CELF4: variants seen among roughly 807,000 people sequenced by gnomAD.
CELF4 encodes CUGBP Elav-like family member 4.
Under a neutral mutation model 59.9 loss-of-function variants are expected in CELF4, and 18 were observed. The ratio of observed to expected loss-of-function variants is 0.30; its 90% confidence interval spans 0.21 to 0.45. The LOEUF (loss-of-function observed/expected upper bound fraction) is 0.45. Ranked by LOEUF, CELF4 falls within the 20% of genes least tolerant of loss-of-function variation. The probability of loss-of-function intolerance (pLI) is 1.00; values close to 1 mark genes in which losing one functional copy is unlikely to be tolerated. For missense variants in CELF4, 456 were observed against 689.0 expected (o/e 0.66, Z 3.79); for synonymous variants, 261 against 267.1 (o/e 0.98, Z 0.22).
Position 37,431,560 on chromosome 18 carries a change from G to A in CELF4, c.369+53965C>T, listed in dbSNP as rs527623966. On this transcript the variant is annotated intron_variant, in intron 2 of 12. Transcript: ENST00000420428. ...TTATTTTTATATTTTTAGTAGAGACGGGGTTTCACCATGTTAGCCGGGATG... is the reference window on the plus strand; with the variant it reads ...TTATTTTTATATTTTTAGTAGAGACAGGGTTTCACCATGTTAGCCGGGATG... Among the ~76,000 whole-genome samples the A allele has an allele frequency of 1.7e-4, 26 of 151,844 alleles. 1 individual carries two copies. The South Asian group carries it at 4.2e-3, about 24-fold the overall frequency.
intron 2 of CELF4, among the ~76,000 whole-genome samples, chr18:37,365,178 T>C (rs524513): frequency 0.87 from 132,202 of 152,144 alleles, 57,799 homozygotes; most frequent in African/African-American, 0.96. Context: ...TACCAAGGGC[T>C]TTGAAGGCTC....
At chr18:37,554,468 C>T (rs2099984187) in intron 1 of CELF4, among the ~76,000 whole-genome samples, 1 of 152,264 alleles carries the variant, frequency 6.6e-6, no homozygotes, top group South Asian at 2.1e-4. Context: ...CTCAAGCAGC[C>T]CCATCTCCCA....
At chr18:37,372,760 T>C (rs1357928094) in intron 2 of CELF4, among the ~76,000 whole-genome samples, 3 of 152,180 alleles carry the variant, frequency 2.0e-5, no homozygotes, top group African/African-American at 7.2e-5. Flanking sequence ...TGGGTATATG[T>C]TTAATAATTA....
intron 2 of CELF4, among the ~76,000 whole-genome samples, chr18:37,345,336 G>A (rs959053127): frequency 1.3e-5 from 2 of 152,188 alleles, no homozygotes; most frequent in African/African-American, 4.8e-5. Flanking sequence ...TGGAGGAGTG[G>A]GAGAGAGACG....
chr18:37,383,052 ATGTATG>A (rs1569568287), intron 2 of CELF4, among the ~76,000 whole-genome samples: 1 of 150,560 alleles, frequency 6.6e-6, no homozygotes, highest in African/African-American at 2.4e-5. Context: ...GTATGTATGT[ATGTATG>A]TATTATTTTT....
intron 2 of CELF4, among the ~76,000 whole-genome samples, chr18:37,466,187 G>A (rs1372049466): frequency 2.0e-5 from 3 of 152,330 alleles, no homozygotes; most frequent in South Asian, 2.1e-4. Context: ...CCTCCCCAGC[G>A]GAGCTGAGCT....
intron 1 of CELF4, among the ~76,000 whole-genome samples, chr18:37,505,148 C>T (rs2154604037): frequency 6.6e-6 from 1 of 152,272 alleles, no homozygotes; most frequent in South Asian, 2.1e-4. Flanking sequence ...GGCAACTGTC[C>T]CAGAGGGAAG....
At chr18:37,281,003 TC>T (rs1569513692) in intron 3 of CELF4, among the ~76,000 whole-genome samples, 1 of 152,110 alleles carries the variant, frequency 6.6e-6, no homozygotes, top group Non-Finnish European at 1.5e-5. Context: ...CTCCCATGGG[TC>T]CCTCCATGAG....
intron 2 of CELF4, among the ~76,000 whole-genome samples, chr18:37,447,535 G>A (rs191970859): frequency 2.5e-4 from 38 of 152,272 alleles, no homozygotes; most frequent in African/African-American, 7.5e-4. Context: ...GGAGCGACCC[G>A]TTTTTCTTTC....
chr18:37,552,461 A>G (rs2099983532), intron 1 of CELF4, among the ~76,000 whole-genome samples: 1 of 152,192 alleles, frequency 6.6e-6, no homozygotes, highest in Non-Finnish European at 1.5e-5. Flanking sequence ...GCATCCCAGA[A>G]GTCAACGGCA....
At chr18:37,524,273 T>A (rs954231242) in intron 1 of CELF4, among the ~76,000 whole-genome samples, 19 of 152,178 alleles carry the variant, frequency 1.2e-4, no homozygotes, top group Admixed American at 4.6e-4. Context: ...AGGCCTGTGA[T>A]GTTGGTGCTG....
intron 3 of CELF4, among the ~76,000 whole-genome samples, chr18:37,321,592 G>A (rs931152722): frequency 4.6e-5 from 7 of 152,306 alleles, no homozygotes; most frequent in South Asian, 2.1e-4. Flanking sequence ...AAACCGCACC[G>A]TCTGGAAGAC....
chr18:37,313,143 T>C (rs2096736798), intron 3 of CELF4, among the ~76,000 whole-genome samples: 1 of 152,170 alleles, frequency 6.6e-6, no homozygotes, highest in African/African-American at 2.4e-5. Flanking sequence ...TGGGGTTAGC[T>C]CTGCTCATCC....
intron 3 of CELF4, 93 bp from the exon 4 acceptor site, chr18:37,275,336 A>T: frequency 9.6e-7 from 1 of 1,046,886 alleles, no homozygotes; most frequent in Non-Finnish European, 1.2e-6. Flanking sequence ...AGGGAAAGGG[A>T]GGAGCCGGGG....
intron 8 of CELF4, among the ~76,000 whole-genome samples, chr18:37,269,535 C>T (rs2090110508): frequency 6.6e-6 from 1 of 152,306 alleles, no homozygotes; most frequent in African/African-American, 2.4e-5. Flanking sequence ...AGGACCCAGC[C>T]CCTGCTGCCA....
chr18:37,377,364 G>A (rs777444646), intron 2 of CELF4, among the ~76,000 whole-genome samples: 133 of 152,218 alleles, frequency 8.7e-4, no homozygotes, highest in Non-Finnish European at 1.6e-3. Flanking sequence ...AACCTCCTGG[G>A]AGCATCAAGG....
chr18:37,549,666 A>G (rs2099982536), intron 1 of CELF4, among the ~76,000 whole-genome samples: 1 of 152,160 alleles, frequency 6.6e-6, no homozygotes, highest in Non-Finnish European at 1.5e-5. Context: ...AAGAGGTACT[A>G]TATAAGAAAG....
At chr18:37,345,508 G>A (rs904667271) in intron 2 of CELF4, among the ~76,000 whole-genome samples, 1 of 152,136 alleles carries the variant, frequency 6.6e-6, no homozygotes, top group South Asian at 2.1e-4. Context: ...TAGAGACCTC[G>A]GTTGCAGCAA....
chr18:37,275,347 A>T, intron 3 of CELF4, 104 bp from the exon 4 acceptor site: 6 of 715,956 alleles, frequency 8.4e-6, no homozygotes, highest in Non-Finnish European at 8.4e-6. Context: ...GGAGCCGGGG[A>T]GGCGGGGCGG....
Sources: gnomAD v4.1 joint callset for allele counts (sites outside exome capture counted in the v4.1 genomes callset) on GRCh38, gnomAD v4.1.1 for gene constraint, MANE v1.5 for transcripts, NCBI Gene and HGNC (gene_info 2026-07-23, HGNC 2026-07-21) for gene names.